Variants in SLC38A12 observed in about 807,000 individuals in gnomAD.
The protein encoded by SLC38A12 is putative sodium-coupled neutral amino acid transporter 12.
the SLC38A12 span, chr17:74,795,068 A>G: frequency 6.2e-7 from 1 of 1,614,104 alleles, no homozygotes; most frequent in Non-Finnish European, 8.5e-7. Context: ...AGACCTCGCC[A>G]TCTATGCTGC....
At chr17:74,831,318 T>G in the SLC38A12 span, among the ~76,000 whole-genome samples, 3 of 152,248 alleles carry the variant, frequency 2.0e-5, no homozygotes, top group African/African-American at 4.8e-5. Context: ...CTCAGTGTGC[T>G]GTCCCCAGAT....
At chr17:74,813,551 G>A in the SLC38A12 span, among the ~76,000 whole-genome samples, 1 of 151,838 alleles carries the variant, frequency 6.6e-6, no homozygotes, top group Non-Finnish European at 1.5e-5. Context: ...ATGCAATGGC[G>A]CAATCTCAGC....
At chr17:74,808,867 T>G in the SLC38A12 span, among the ~76,000 whole-genome samples, 30 of 152,184 alleles carry the variant, frequency 2.0e-4, no homozygotes, top group South Asian at 6.2e-4. Flanking sequence ...GCATGGACAG[T>G]TTTCTGGCAG....
At chr17:74,805,469 C>T in the SLC38A12 span, among the ~76,000 whole-genome samples, 2 of 152,192 alleles carry the variant, frequency 1.3e-5, no homozygotes, top group Non-Finnish European at 1.5e-5. This position sits in a 1 kb window ranked among gnomAD's most constrained non-coding sequence, Gnocchi z 5.0. Context: ...CTCTAGACCC[C>T]GCAGCGTGCC....
chr17:74,834,495 T>C, the SLC38A12 span, among the ~76,000 whole-genome samples: 1 of 152,182 alleles, frequency 6.6e-6, no homozygotes, highest in Admixed American at 6.5e-5. Flanking sequence ...AGATTCCATC[T>C]CACTCCCAGT....
At chr17:74,788,740 G>C in the SLC38A12 span, 1 of 1,549,532 alleles carries the variant, frequency 6.5e-7, no homozygotes, top group Non-Finnish European at 8.9e-7. Context: ...TTCTCTCTCT[G>C]TCTCCTCCAA....
chr17:74,787,393 C>T, the SLC38A12 span, among the ~76,000 whole-genome samples: 2 of 143,284 alleles, frequency 1.4e-5, no homozygotes, highest in Non-Finnish European at 3.1e-5. Context: ...GAGGCCGAGG[C>T]AGGTGGATCA....
the SLC38A12 span, chr17:74,819,776 G>A: frequency 9.3e-6 from 15 of 1,614,210 alleles, no homozygotes; most frequent in East Asian, 6.7e-5. Flanking sequence ...TCCTCGGACC[G>A]TTCACCTTCT....
At chr17:74,808,197 C>T in the SLC38A12 span, among the ~76,000 whole-genome samples, 1 of 152,256 alleles carries the variant, frequency 6.6e-6, no homozygotes, top group African/African-American at 2.4e-5. Flanking sequence ...CAGCCCAGTC[C>T]TGCCCTGAAG....
At chr17:74,821,562 G>C in the SLC38A12 span, among the ~76,000 whole-genome samples, 2 of 152,230 alleles carry the variant, frequency 1.3e-5, no homozygotes, top group African/African-American at 4.8e-5. Context: ...CCAGAAGTCA[G>C]AGTCAGCAGG....
chr17:74,792,670 G>A, the SLC38A12 span, among the ~76,000 whole-genome samples: 1 of 152,188 alleles, frequency 6.6e-6, no homozygotes, highest in Non-Finnish European at 1.5e-5. Context: ...GAGCCGGGGG[G>A]ACTGTAGGAA....
chr17:74,795,550 G>T, the SLC38A12 span: 2 of 1,614,108 alleles, frequency 1.2e-6, no homozygotes, highest in Non-Finnish European at 1.7e-6. Context: ...GACTCCTGCG[G>T]TGTGGAAGCA....
the SLC38A12 span, among the ~76,000 whole-genome samples, chr17:74,784,084 A>G: frequency 1.3e-5 from 2 of 152,018 alleles, no homozygotes; most frequent in African/African-American, 2.4e-5. Context: ...AATGGGCACC[A>G]ATTTTTGTGT....
chr17:74,831,890 C>T, the SLC38A12 span, among the ~76,000 whole-genome samples: 1 of 152,262 alleles, frequency 6.6e-6, no homozygotes, highest in South Asian at 2.1e-4. Context: ...GCTCTTGGAG[C>T]CCTGCTCCCC....
the SLC38A12 span, among the ~76,000 whole-genome samples, chr17:74,812,697 C>CCGAGTG: frequency 3.9e-5 from 6 of 152,152 alleles, no homozygotes; most frequent in Non-Finnish European, 2.9e-5. Flanking sequence ...CACTCCAAGC[C>CCGAGTG]CGAGTGCTCC....
chr17:74,787,040 T>C, the SLC38A12 span, among the ~76,000 whole-genome samples: 2 of 152,224 alleles, frequency 1.3e-5, no homozygotes, highest in Non-Finnish European at 2.9e-5. Flanking sequence ...TAAGATTGAT[T>C]TTAATTTCAC....
At chr17:74,809,375 G>A in the SLC38A12 span, among the ~76,000 whole-genome samples, 6 of 152,264 alleles carry the variant, frequency 3.9e-5, no homozygotes, top group East Asian at 1.2e-3. Context: ...TCACTGACAG[G>A]GCTGAGCCTC....
the SLC38A12 span, chr17:74,777,651 G>T: frequency 1.4e-6 from 2 of 1,402,730 alleles, no homozygotes; most frequent in South Asian, 1.2e-5. Context: ...TGGGCACGGT[G>T]GCTCACGCCT....
chr17:74,790,870 TA>T, the SLC38A12 span: 3 of 1,222,848 alleles, frequency 2.5e-6, no homozygotes, highest in South Asian at 2.5e-5. Flanking sequence ...TTTCATGGTT[TA>T]GATAATTCAG....
Sources: gnomAD v4.1 joint callset for allele counts (sites outside exome capture counted in the v4.1 genomes callset) on GRCh38, gnomAD v4.1.1 for gene constraint, Gnocchi (gnomAD v3.1) non-coding constraint, MANE v1.5 for transcripts, NCBI Gene and HGNC (gene_info 2026-07-23, HGNC 2026-07-21) for gene names.